Variants in CFAP52 observed in about 807,000 individuals in gnomAD.
CFAP52 encodes the protein cilia and flagella associated protein 52.
Under a neutral mutation model 70.5 loss-of-function variants are expected in CFAP52, and 57 were observed. That is an observed-to-expected ratio of 0.81 (90% CI 0.65 to 1.01). The LOEUF (loss-of-function observed/expected upper bound fraction) is 1.01, where lower values mean the gene tolerates loss of function less well. CFAP52 is among the 50% of genes least tolerant of loss of function. The probability of loss-of-function intolerance (pLI) is 0.00; values close to 1 mark genes in which losing one functional copy is unlikely to be tolerated. For missense variants in CFAP52, 785 were observed against 788.5 expected, an observed-to-expected ratio of 1.00 and a Z score of 0.05; for synonymous variants, 267 against 292.5, an observed-to-expected ratio of 0.91 and a Z score of 0.89.
chr17:9,583,278 GA>G (rs531793571), intron 1 of CFAP52, among the ~76,000 whole-genome samples: 2,843 of 151,548 alleles, frequency 0.019, 92 homozygotes, highest in African/African-American at 0.065. Context: ...CAATTAAAAT[GA>G]AAAAAAATCA....
In CFAP52 at chr17:9,585,902, T is replaced by C. The variant is rs766939707; in HGVS notation, c.200T>C (p.Val67Ala). The C allele has an allele frequency of 6.2e-7, 1 of 1,613,690 alleles. No homozygotes were observed. Among genetic ancestry groups the C allele is most frequent in the South Asian group, 1.1e-5 (1 of 91,062 alleles). Residue 67 changes from valine to alanine, a missense_variant, in exon 2 of 14, where the codon GTC (valine) becomes GCC (alanine). Transcript: ENST00000352665. ...QNFLQGHGNN[V>A]SCLAISRSGE... Reference sequence around the variant, plus strand: ...TTCCTACAGGGTCATGGCAACAACGTCTCCTGCTTGGCCATCTCCAGGTCT... The same window carrying C: ...TTCCTACAGGGTCATGGCAACAACGCCTCCTGCTTGGCCATCTCCAGGTCT...
chr17:9,616,301 A>G lies in CFAP52; in HGVS notation c.1025+3822A>G, dbSNP rs1468908489. Among the ~76,000 whole-genome samples, 6 of 131,522 alleles carry G rather than the reference A, an allele frequency of 4.6e-5. No individual in the cohort carries two copies. The Admixed American group carries it at 4.6e-4, about 10-fold the overall frequency. 86.3% of individuals were successfully genotyped at this position (131,522 alleles called of 152,430 possible). A position where few individuals can be genotyped will look rare whatever the true frequency, so the allele number is the denominator to read the frequency against. ...TTGCGCTTTTCAGACCGGCTTAAGA[A>G]ACGGCGCACCACGAGACTATATCCC... On this transcript the variant is annotated intron_variant, in intron 8 of 13. Coordinates refer to ENST00000352665, the MANE Select transcript of CFAP52 (RefSeq NM_145054.5).
chr17:9,610,794 C>T (rs1909686226), intron 7 of CFAP52, among the ~76,000 whole-genome samples: 1 of 152,190 alleles, frequency 6.6e-6, no homozygotes, highest in Non-Finnish European at 1.5e-5. Context: ...CCACCTTGGC[C>T]TCCCAAAGTG....
chr17:9,636,189 AAGAAAG>A (rs1199571148), intron 11 of CFAP52, among the ~76,000 whole-genome samples: 2 of 106,110 alleles, frequency 1.9e-5, no homozygotes, highest in Non-Finnish European at 3.6e-5. Context: ...AAAAGAAAGA[AAGAAAG>A]AAAGAAAGAA....
At chr17:9,609,990 GGAGA>G (rs137875006) in intron 7 of CFAP52, among the ~76,000 whole-genome samples, 2 of 148,964 alleles carry the variant, frequency 1.3e-5, no homozygotes, top group Admixed American at 6.7e-5. Flanking sequence ...TCTGATTTCT[GGAGA>G]GAGAGAGAGA....
rs371902741 is a variant in CFAP52, at chr17:9,585,823, T to C, written c.121T>C (p.Tyr41His). ...CCATCCTGACCAGGAGCATATGATT[T>C]ATCCTCTTGGTTGCACAGTCCTCAT... The part of the protein sequence containing the change: ...KCHPDQEHMI[Y>H]PLGCTVLIQA... The change falls in exon 2 of 14, where the codon TAT (tyrosine) becomes CAT (histidine). Residue 41 changes from tyrosine to histidine, a missense_variant. Physicochemically the swap from Tyr to His is moderately conservative, Grantham distance 83 (BLOSUM62 2). Coordinates refer to ENST00000352665, the MANE Select transcript of CFAP52 (RefSeq NM_145054.5). 106 of 1,614,006 alleles carry C rather than the reference T, an allele frequency of 6.6e-5. No individual in the cohort carries two copies. The highest frequency in any genetic ancestry group is 8.7e-5 in the Non-Finnish European group (103 of 1,180,030).
chr17:9,608,093 T>C, intron 6 of CFAP52, 26 bp from the exon 7 acceptor site: 1 of 1,584,090 alleles, frequency 6.3e-7, no homozygotes, highest in Non-Finnish European at 8.6e-7. Context: ...TTTTGTGCTT[T>C]TTCTTAACAC....
At position 9,641,703 on chromosome 17, in the gene CFAP52, T is replaced by C. The variant is rs562321399; in HGVS notation, c.1576-21T>C. 2.5e-5 allele frequency: 39 copies of C among 1,579,700 alleles called. No individual in the cohort carries two copies. In the Admixed American group the frequency reaches 5.1e-4, roughly 21 times the overall value. ...CTCTCCTGAGCTGAGTCCTGCTTAA[T>C]GCTTCTTTCCTGAATTCCAGATTGC... On this transcript the variant is annotated intron_variant, in intron 12 of 13. Transcript: ENST00000352665.
chr17:9,633,055 A>G (rs370232975), intron 10 of CFAP52, 22 bp downstream of exon 10: 1 of 1,610,956 alleles, frequency 6.2e-7, no homozygotes, highest in African/African-American at 1.3e-5. Flanking sequence ...AGAAATTTGA[A>G]AAAATAACGC....
At chr17:9,638,751 A>G in intron 12 of CFAP52, 40 bp downstream of exon 12, 1 of 1,599,144 alleles carries the variant, frequency 6.3e-7, no homozygotes, top group Non-Finnish European at 8.6e-7. Context: ...TTCCAGCGCA[A>G]GAGAAAAGCA....
chr17:9,594,508 T>A, intron 4 of CFAP52, 187 bp downstream of exon 4: 1 of 657,016 alleles, frequency 1.5e-6, no homozygotes, highest in Non-Finnish European at 2.2e-6. Context: ...ATAGTTATTT[T>A]AAAATTCTGT....
At chr17:9,623,461 C>A (rs541799339) in intron 8 of CFAP52, among the ~76,000 whole-genome samples, 1 of 152,208 alleles carries the variant, frequency 6.6e-6, no homozygotes, top group South Asian at 2.1e-4. Flanking sequence ...AATCTTTATA[C>A]AAACTCCATC....
intron 7 of CFAP52, among the ~76,000 whole-genome samples, chr17:9,610,045 C>T (rs1909654317): frequency 6.6e-6 from 1 of 151,916 alleles, no homozygotes; most frequent in African/African-American, 2.4e-5. Context: ...GAGAGAGAAG[C>T]TCCTCTCTTA....
At chr17:9,581,242 G>A (rs770317001) in intron 1 of CFAP52, among the ~76,000 whole-genome samples, 14 of 152,264 alleles carry the variant, frequency 9.2e-5, no homozygotes, top group Admixed American at 2.0e-4. Flanking sequence ...GCGTGAACCC[G>A]GAAGTGCTGG....
At chr17:9,607,970 A>G in intron 6 of CFAP52, 149 bp from the exon 7 acceptor site, 2 of 552,810 alleles carry the variant, frequency 3.6e-6, no homozygotes, top group East Asian at 6.0e-5. Flanking sequence ...TCTTTCATTC[A>G]GCTTTTTTCT....
Position 9,628,715 on chromosome 17 carries a change from A to G in CFAP52, c.1069A>G (p.Arg357Gly), listed in dbSNP as rs1413036061. 6.2e-7 allele frequency: 1 copy of G among 1,614,032 alleles called. No homozygotes were observed. The highest frequency in any genetic ancestry group is 8.5e-7 in the Non-Finnish European group (1 of 1,180,008). The change falls in exon 9 of 14, where the codon AGG becomes GGG. Residue 357 changes from arginine (R) to glycine (G), a missense_variant. Physicochemically the swap from Arg to Gly is moderately radical, Grantham distance 125. Transcript: ENST00000352665. ...LFATCAKKDI[R>G]VWHTSSNREL... ...TGCAACCTGTGCCAAGAAGGATATC[A>G]GGGTGTGGCACACATCATCCAACAG... is the stretch of plus-strand genomic sequence containing the variant.
Position 9,594,317 on chromosome 17 carries a change from G to A in CFAP52, c.532G>A (p.Gly178Arg). Reference sequence around the variant, plus strand: ...CCGGGATGAGATGTTTATGACTGCTGGAAAGTATGTGTCTGCGTTCGGAGT... The same window carrying A: ...CCGGGATGAGATGTTTATGACTGCTAGAAAGTATGTGTCTGCGTTCGGAGT... Reference protein sequence around the residue: ...RCRDEMFMTAGNGTIRVWELD... With the variant: ...RCRDEMFMTARNGTIRVWELD... Residue 178 changes from glycine (G) to arginine (R), a missense_variant, in exon 4 of 14, where the codon GGA (glycine) becomes AGA (arginine). Gly to Arg is a moderately radical substitution (Grantham distance 125). Coordinates refer to ENST00000352665, the MANE Select transcript of CFAP52 (RefSeq NM_145054.5). 3 of 1,611,978 alleles carry A rather than the reference G, an allele frequency of 1.9e-6. No individual in the cohort carries two copies. The highest frequency in any genetic ancestry group is 2.5e-6 in the Non-Finnish European group (3 of 1,179,228).
chr17:9,585,683 A>G (rs1300518047), intron 1 of CFAP52, 90 bp from the exon 2 acceptor site: 10 of 1,319,530 alleles, frequency 7.6e-6, no homozygotes, highest in South Asian at 1.3e-5. Context: ...ACACACACAC[A>G]CACACAAAGT....
chr17:9,586,439 T>G (rs974349571), intron 2 of CFAP52, among the ~76,000 whole-genome samples: 1 of 151,984 alleles, frequency 6.6e-6, no homozygotes, highest in African/African-American at 2.4e-5. Context: ...GGTGCATGCC[T>G]GTAATCCCAG....
Sources: allele counts gnomAD v4.1 joint callset (sites outside exome capture counted in the v4.1 genomes callset), GRCh38; gene constraint gnomAD v4.1.1; transcripts MANE v1.5; gene names NCBI Gene and HGNC (gene_info 2026-07-23, HGNC 2026-07-21).